The following HYDIN variants were observed in gnomAD, a reference collection of about 807,000 sequenced individuals.
HYDIN encodes the protein HYDIN axonemal central pair apparatus protein.
HYDIN carries 132 observed loss-of-function variants against 403.9 expected under a neutral mutation model. The ratio of observed to expected loss-of-function variants is 0.33; its 90% CI spans 0.28 to 0.38. HYDIN has a LOEUF of 0.38. Among genes scored for constraint, HYDIN ranks in the 10% least tolerant of loss-of-function variants. HYDIN has a pLI of 1.00. For synonymous variants in HYDIN, 1,202 were observed against 1,891.7 expected, an observed-to-expected ratio of 0.64 and a Z score of 9.46; for missense variants, 2,827 against 5,009.5, an observed-to-expected ratio of 0.56 and a Z score of 13.15.
rs759328895 is a variant in HYDIN at position 71,062,340 on chromosome 16, G to T, written c.2212-7C>A. On this transcript the variant is annotated splice_region_variant and splice_polypyrimidine_tract_variant and intron_variant, in intron 16 of 85. Transcript: ENST00000393567. ...TAGGCACCTCCTCACACACCTGGGG[G>T]AGAGAAAACCAGAGGGGTAAGGACA... is the stretch of plus-strand genomic sequence containing the variant. 32 of 1,598,250 alleles carry T rather than the reference G, an allele frequency of 2.0e-5. No homozygotes were observed. The South Asian group carries it at 3.6e-4, about 18-fold the overall frequency.
intron 47 of HYDIN, among the ~76,000 whole-genome samples, chr16:70,910,760 T>TA (rs1471699848): frequency 2.0e-5 from 2 of 101,610 alleles, no homozygotes; most frequent in Non-Finnish European, 4.0e-5. Flanking sequence ...CAGCTACTGT[T>TA]TTTATTTATT....
chr16:70,919,107 G>A (rs2076922815), intron 46 of HYDIN, among the ~76,000 whole-genome samples: 1 of 148,684 alleles, frequency 6.7e-6, no homozygotes, highest in African/African-American at 2.5e-5. Flanking sequence ...CTCATCCTGT[G>A]TGTCAAGGAG....
At chr16:71,004,019 G>T (rs2079809498) in intron 23 of HYDIN, among the ~76,000 whole-genome samples, 1 of 150,454 alleles carries the variant, frequency 6.6e-6, no homozygotes, top group Non-Finnish European at 1.5e-5. Context: ...TTGTTGAATA[G>T]AAATGGAACT....
At chr16:71,110,780 A>G (rs977931006) in intron 10 of HYDIN, among the ~76,000 whole-genome samples, 22 of 139,352 alleles carry the variant, frequency 1.6e-4, no homozygotes, top group African/African-American at 5.9e-4. Flanking sequence ...GTGACTGCAT[A>G]GATATGGACC....
chr16:71,223,640 A>C (rs1055523717), intron 1 of HYDIN, among the ~76,000 whole-genome samples: 1 of 151,936 alleles, frequency 6.6e-6, no homozygotes, highest in Non-Finnish European at 1.5e-5. Flanking sequence ...AAAAAAAAAA[A>C]AACAAATAAT....
At position 71,067,297 on chromosome 16, in the gene HYDIN, T is replaced by C. The variant is rs10744982; in HGVS notation, c.2068A>G (p.Thr690Ala). Residue 690 changes from threonine (T) to alanine (A), a missense_variant, in exon 15 of 86, where the codon ACA becomes GCA. Transcript: ENST00000393567. Reference sequence around the variant, plus strand: ...CAAGCTGGGGAGCAATACCTTGCTGTAATTAAGAGCGCCAGCACCTCTTCT... The same window carrying C: ...CAAGCTGGGGAGCAATACCTTGCTGCAATTAAGAGCGCCAGCACCTCTTCT... ...IGEEVLALLI[T>A]ARCVVPALHL... is the part of the protein sequence containing the mutation. 2,320 of 1,604,914 alleles carry C rather than the reference T, an allele frequency of 1.4e-3. 14 individuals are homozygous for C. Among genetic ancestry groups the C allele is most frequent in the African/African-American group, 6.7e-3 (499 of 74,250 alleles).
At chr16:70,849,413 C>CT (rs61235201) in intron 75 of HYDIN, among the ~76,000 whole-genome samples, 33 of 149,956 alleles carry the variant, frequency 2.2e-4, no homozygotes, top group East Asian at 1.2e-3. Flanking sequence ...CATCACCATT[C>CT]TTTTTTTTTT....
At chr16:70,893,407 T>A (rs1188766891) in intron 55 of HYDIN, 1 of 152,180 alleles carries the variant, frequency 6.6e-6, no homozygotes, top group East Asian at 1.9e-4. Flanking sequence ...GGCACTGCCA[T>A]GAAGGGCTGT....
At chr16:70,841,025 G>C (rs1315024361) in intron 75 of HYDIN, among the ~76,000 whole-genome samples, 2 of 151,854 alleles carry the variant, frequency 1.3e-5, no homozygotes, top group African/African-American at 4.8e-5. Flanking sequence ...AACATTATTA[G>C]AATAAACAGT....
intron 7 of HYDIN, among the ~76,000 whole-genome samples, chr16:71,146,095 T>C (rs1218017163): frequency 6.6e-6 from 1 of 152,136 alleles, no homozygotes; most frequent in Non-Finnish European, 1.5e-5. Context: ...GTATTAAAAA[T>C]ACCCCCAAAT....
chr16:70,876,228 C>CA (rs1437213952), intron 62 of HYDIN, among the ~76,000 whole-genome samples: 3 of 148,726 alleles, frequency 2.0e-5, no homozygotes, highest in Non-Finnish European at 4.4e-5. Context: ...CTCTGTCACC[C>CA]AGGCCGGAGC....
chr16:70,954,623 C>G (rs2078175664), intron 40 of HYDIN, among the ~76,000 whole-genome samples: 1 of 152,134 alleles, frequency 6.6e-6, no homozygotes, highest in African/African-American at 2.4e-5. Flanking sequence ...GCGTGGCCAT[C>G]TTGAATCCCT....
At chr16:70,990,394 CAAAAAAAAAAAAAAAAAAAAAAAAA>C (rs72381537) in intron 25 of HYDIN, among the ~76,000 whole-genome samples, 3 of 8,696 alleles carry the variant, frequency 3.4e-4, no homozygotes, top group East Asian at 9.6e-3. Context: ...GACTCTGCCT[CAAAAAAAAAAAAAAAAAAAAAAAAA>C]AAAAAAAAAA....
chr16:71,024,056 T>C (rs2080597403), intron 21 of HYDIN, among the ~76,000 whole-genome samples: 1 of 152,244 alleles, frequency 6.6e-6, no homozygotes, highest in Non-Finnish European at 1.5e-5. Flanking sequence ...CACTGTTGTA[T>C]CTCTAGCCCC....
chr16:71,041,663 C>T (rs1271873924), intron 18 of HYDIN, among the ~76,000 whole-genome samples: 2 of 152,174 alleles, frequency 1.3e-5, no homozygotes, highest in Non-Finnish European at 2.9e-5. Flanking sequence ...AGACCACACA[C>T]ACCATAAAAA....
At chr16:71,204,790 T>A (rs373096398) in intron 1 of HYDIN, among the ~76,000 whole-genome samples, 3 of 152,190 alleles carry the variant, frequency 2.0e-5, no homozygotes, top group East Asian at 1.9e-4. Context: ...ATTAACAGCA[T>A]GAAAAATATC....
At chr16:70,944,328 G>A (rs984423370) in intron 41 of HYDIN, among the ~76,000 whole-genome samples, 4 of 152,194 alleles carry the variant, frequency 2.6e-5, no homozygotes, top group Non-Finnish European at 5.9e-5. Flanking sequence ...GAGAGAAAAG[G>A]CCACCTTCCT....
chr16:70,827,060 A>G (rs2036645972), intron 83 of HYDIN, among the ~76,000 whole-genome samples: 1 of 21,148 alleles, frequency 4.7e-5, no homozygotes, highest in African/African-American at 2.8e-4. Flanking sequence ...TGTTACCAGC[A>G]ATCAGTATAG....
rs2034909242 is a variant in HYDIN at position 70,802,277 on chromosome 16, A to C, written c.*5303T>G. ...CTGTATTATGCCCTCTTTCAGCGTGAACAAGACTTGTAAATATGATGGGCT... is the reference window on the plus strand; with the variant it reads ...CTGTATTATGCCCTCTTTCAGCGTGCACAAGACTTGTAAATATGATGGGCT... On this transcript the variant is annotated 3_prime_UTR_variant, in exon 86 of 86. Transcript: ENST00000393567. The C allele has an allele frequency of 6.6e-6, 1 of 152,232 alleles. No individual in the cohort carries two copies. The highest frequency in any genetic ancestry group is 2.1e-4 in the South Asian group (1 of 4,830). The allele number at this position is 152,232 out of a possible 1,614,324, so 9.4% of individuals were successfully genotyped here. A position where few individuals can be genotyped will look rare whatever the true frequency, so the allele number is the denominator to read the frequency against.
Sources: allele counts gnomAD v4.1 joint callset (sites outside exome capture counted in the v4.1 genomes callset), GRCh38; gene constraint gnomAD v4.1.1; transcripts MANE v1.5; gene names NCBI Gene and HGNC (gene_info 2026-07-23, HGNC 2026-07-21).